Variants in TBC1D22A observed in about 807,000 individuals in gnomAD.
The protein encoded by TBC1D22A is TBC1 domain family member 22A.
Under a neutral mutation model 60.2 loss-of-function variants are expected in TBC1D22A, and 38 were observed. That is an observed-to-expected ratio of 0.63 (90% CI 0.49 to 0.83). The LOEUF is 0.83. Ranked by LOEUF, TBC1D22A falls within the 40% of genes least tolerant of loss-of-function variation. TBC1D22A has a pLI of 0.00. For synonymous variants in TBC1D22A, 302 were observed against 281.7 expected (o/e 1.07, Z -0.72); for missense variants, 628 against 701.0 (o/e 0.90, Z 1.18).
At chr22:46,931,095 G>T (rs78169126) in intron 8 of TBC1D22A, among the ~76,000 whole-genome samples, 31 of 152,130 alleles carry the variant, frequency 2.0e-4, no homozygotes, top group Non-Finnish European at 2.6e-4. Flanking sequence ...TTTGGAAGTC[G>T]CTGTCTCAGA....
intron 12 of TBC1D22A, among the ~76,000 whole-genome samples, chr22:47,159,924 A>G (rs1601717363): frequency 2.0e-5 from 3 of 152,006 alleles, no homozygotes; most frequent in East Asian, 3.9e-4. Context: ...TGCCACATAC[A>G]TGTGTCACAT....
chr22:46,796,898 G>A (rs941641415), intron 3 of TBC1D22A, among the ~76,000 whole-genome samples: 1 of 152,248 alleles, frequency 6.6e-6, no homozygotes, highest in Non-Finnish European at 1.5e-5. Flanking sequence ...TGAGACCCAG[G>A]AGGGCCAGGC....
intron 10 of TBC1D22A, among the ~76,000 whole-genome samples, chr22:47,025,325 A>C (rs2062218869): frequency 6.6e-6 from 1 of 152,254 alleles, no homozygotes; most frequent in African/African-American, 2.4e-5. Context: ...ACATTTACCA[A>C]GATAGACCAT....
intron 8 of TBC1D22A, among the ~76,000 whole-genome samples, chr22:46,944,297 TTTTTG>T (rs1223130418): frequency 3.3e-5 from 5 of 152,216 alleles, no homozygotes; most frequent in Non-Finnish European, 7.3e-5. Flanking sequence ...AATGTGTTTA[TTTTTG>T]TTTTGTTTTT....
At chr22:46,862,135 C>T (rs1275505441) in intron 4 of TBC1D22A, among the ~76,000 whole-genome samples, 1 of 152,214 alleles carries the variant, frequency 6.6e-6, no homozygotes, top group Non-Finnish European at 1.5e-5. Flanking sequence ...TCAGTGATGA[C>T]ATTCAGGTGT....
chr22:46,817,597 A>G (rs1344532963), intron 4 of TBC1D22A, among the ~76,000 whole-genome samples: 1 of 152,176 alleles, frequency 6.6e-6, no homozygotes, highest in African/African-American at 2.4e-5. Flanking sequence ...ATTCCTTTTT[A>G]TGGCTGCATA....
chr22:47,164,276 C>G (rs775135054), intron 12 of TBC1D22A, among the ~76,000 whole-genome samples: 10 of 152,240 alleles, frequency 6.6e-5, no homozygotes, highest in African/African-American at 2.4e-4. Context: ...TCTGTGGCCT[C>G]GGTCACCAGC....
chr22:47,165,408 A>T (rs931180493), intron 12 of TBC1D22A, among the ~76,000 whole-genome samples: 1 of 152,182 alleles, frequency 6.6e-6, no homozygotes, highest in Non-Finnish European at 1.5e-5. Flanking sequence ...CAGCACGGGT[A>T]TCGCTGCCCC....
chr22:46,905,954 C>A (rs999645846), intron 7 of TBC1D22A, among the ~76,000 whole-genome samples: 2 of 152,204 alleles, frequency 1.3e-5, no homozygotes, highest in Non-Finnish European at 2.9e-5. Context: ...AGGTTTCTGT[C>A]TGCTGTGTTG....
chr22:46,773,331 G>A (rs2083568291), intron 1 of TBC1D22A, among the ~76,000 whole-genome samples: 1 of 152,188 alleles, frequency 6.6e-6, no homozygotes, highest in Admixed American at 6.5e-5. Flanking sequence ...CTGAGGAGTC[G>A]GGGAGCGTGT....
At position 46,912,150 on chromosome 22, in the gene TBC1D22A, T is replaced by C; in HGVS notation, c.977T>C (p.Val326Ala). 6.2e-7 allele frequency: 1 copy of C among 1,614,088 alleles called. No homozygotes were observed. Among genetic ancestry groups the C allele is most frequent in the Non-Finnish European group, 8.5e-7 (1 of 1,179,972 alleles). ...SGYVQGINDLVTPFFVVFICE... is the reference protein window; with the variant it reads ...SGYVQGINDLATPFFVVFICE... ...TACGTTCAGGGTATAAATGATCTCGTCACTCCTTTCTTTGTGGTCTTCATT... is the reference window on the plus strand; with the variant it reads ...TACGTTCAGGGTATAAATGATCTCGCCACTCCTTTCTTTGTGGTCTTCATT... Residue 326 changes from valine to alanine, a missense_variant, in exon 8 of 13, where the codon GTC becomes GCC. By Grantham distance (64) the Val-to-Ala change is moderately conservative. Coordinates refer to ENST00000337137, the MANE Select transcript of TBC1D22A (RefSeq NM_014346.5).
chr22:46,812,203 T>C (rs2085406070), intron 4 of TBC1D22A, among the ~76,000 whole-genome samples: 1 of 152,186 alleles, frequency 6.6e-6, no homozygotes, highest in Non-Finnish European at 1.5e-5. Context: ...GAATTAGCTG[T>C]GCTCTGAGCT....
Position 46,892,310 on chromosome 22 carries a change from G to T in TBC1D22A, c.837+916G>T, listed in dbSNP as rs532849154. 1.1e-3 allele frequency among the ~76,000 whole-genome samples: 155 copies of T among 136,384 alleles called. 1 individual carries two copies. Among genetic ancestry groups the T allele is most frequent in the East Asian group, 7.5e-3 (35 of 4,642 alleles). 89.5% of individuals were successfully genotyped at this position (136,384 alleles called of 152,430 possible). A position where few individuals can be genotyped will look rare whatever the true frequency, so the allele number is the denominator to read the frequency against. On this transcript the variant is annotated intron_variant, in intron 6 of 12. Transcript: ENST00000337137. ...GTTTTATCTGTAAAAAAAAAAAAAA[G>T]TCCAAATATATGCCTTACCTCTGTT...
chr22:47,082,100 G>T (rs1283898445), intron 11 of TBC1D22A, among the ~76,000 whole-genome samples: 1 of 152,278 alleles, frequency 6.6e-6, no homozygotes, highest in South Asian at 2.1e-4. Context: ...GGAGGTTGCA[G>T]TGAGCCAAGA....
chr22:46,921,903 C>T (rs1164766745), intron 8 of TBC1D22A, among the ~76,000 whole-genome samples: 1 of 152,150 alleles, frequency 6.6e-6, no homozygotes, highest in Non-Finnish European at 1.5e-5. Flanking sequence ...AATGAAGTCC[C>T]ATTTGTTAAT....
chr22:47,136,284 C>A (rs1424925866), intron 12 of TBC1D22A, among the ~76,000 whole-genome samples: 1 of 152,220 alleles, frequency 6.6e-6, no homozygotes, highest in African/African-American at 2.4e-5. Flanking sequence ...GTCCCCACAG[C>A]CCCTTTGGTG....
chr22:46,826,134 G>A (rs948465862), intron 4 of TBC1D22A, among the ~76,000 whole-genome samples: 1 of 151,876 alleles, frequency 6.6e-6, no homozygotes, highest in African/African-American at 2.4e-5. Flanking sequence ...GCCCACCTTG[G>A]CCTCCCAAAG....
At chr22:46,896,935 A>G (rs980608242) in intron 7 of TBC1D22A, among the ~76,000 whole-genome samples, 3 of 152,188 alleles carry the variant, frequency 2.0e-5, no homozygotes, top group African/African-American at 7.2e-5. Context: ...GTTAGGGGTC[A>G]GAAAAGACAG....
At chr22:46,811,485 A>T (rs1188823807) in intron 4 of TBC1D22A, among the ~76,000 whole-genome samples, 1 of 152,170 alleles carries the variant, frequency 6.6e-6, no homozygotes, top group African/African-American at 2.4e-5. Flanking sequence ...AGCCTCTCTT[A>T]GGGAGGGACT....
Sources: allele counts gnomAD v4.1 joint callset (sites outside exome capture counted in the v4.1 genomes callset), GRCh38; gene constraint gnomAD v4.1.1; transcripts MANE v1.5; gene names NCBI Gene and HGNC (gene_info 2026-07-23, HGNC 2026-07-21).